The following RAB4B variants were observed in gnomAD, a reference collection of about 807,000 sequenced individuals.
RAB4B encodes ras-related protein Rab-4B.
A neutral mutation model predicts 28.3 loss-of-function variants in RAB4B; 15 were observed. That is an observed-to-expected ratio of 0.53 (90% CI 0.35 to 0.82). The LOEUF (loss-of-function observed/expected upper bound fraction) is 0.82, where lower values mean the gene tolerates loss of function less well. Ranked by LOEUF, RAB4B falls within the 40% of genes least tolerant of loss-of-function variation. The pLI, the probability that RAB4B is intolerant of heterozygous loss-of-function variation, is 0.01. For synonymous variants in RAB4B, 108 were observed against 116.3 expected (o/e 0.93, Z 0.46); for missense variants, 244 against 288.5 (o/e 0.85, Z 1.12).
At chr19:40,786,387 A>G (rs2083099349) in intron 5 of RAB4B, 2 of 415,000 alleles carry the variant, frequency 4.8e-6, no homozygotes, top group Non-Finnish European at 9.1e-6. Context: ...GGGGGCCACA[A>G]GAAGCTGTGG....
At chr19:40,779,781 ATGT>A in intron 1 of RAB4B, 1 of 1,065,976 alleles carries the variant, frequency 9.4e-7, no homozygotes, top group Non-Finnish European at 1.3e-6. Flanking sequence ...ACCCCTGCAC[ATGT>A]ACTCCCTGAA....
chr19:40,795,164 A>G (rs7251781), intron 7 of RAB4B, among the ~76,000 whole-genome samples: 3,909 of 131,296 alleles, frequency 0.03, 75 homozygotes, highest in African/African-American at 0.045. Context: ...GCGAGGCTCC[A>G]TCTCCAAAAA....
chr19:40,786,998 AG>A lies in RAB4B; in HGVS notation c.*15+23del. On this transcript the variant is annotated intron_variant, in intron 7 of 7. Coordinates refer to ENST00000357052, the MANE Select transcript of RAB4B (RefSeq NM_016154.5). ...AGCCAGGTGGGACACTGGGGGCTTTAGGGAGGCAGGGCGGCCTCTTGGGCAT... is the reference window on the plus strand; with the variant it reads ...AGCCAGGTGGGACACTGGGGGCTTTAGGAGGCAGGGCGGCCTCTTGGGCAT... 1.9e-6 allele frequency: 3 copies of A among 1,601,814 alleles called. No homozygotes were observed. The highest frequency in any genetic ancestry group is 2.6e-6 in the Non-Finnish European group (3 of 1,171,174).
At chr19:40,795,769 G>T (rs1313240085) in intron 7 of RAB4B, among the ~76,000 whole-genome samples, 1 of 151,274 alleles carries the variant, frequency 6.6e-6, no homozygotes, top group Non-Finnish European at 1.5e-5. Context: ...GTGCAATAGT[G>T]CAATGTCAGC....
intron 7 of RAB4B, among the ~76,000 whole-genome samples, chr19:40,789,284 C>T (rs555328983): frequency 6.6e-6 from 1 of 152,158 alleles, no homozygotes; most frequent in Admixed American, 6.5e-5. Flanking sequence ...CTCACCGCAA[C>T]CTCTGCCTCC....
At chr19:40,794,553 A>G (rs1209630562) in intron 7 of RAB4B, 1 of 151,796 alleles carries the variant, frequency 6.6e-6, no homozygotes, top group Non-Finnish European at 1.5e-5. Flanking sequence ...TATTCTTATT[A>G]TATATGATGC....
At chr19:40,789,839 TGA>T (rs1352127130) in intron 7 of RAB4B, among the ~76,000 whole-genome samples, 2 of 152,218 alleles carry the variant, frequency 1.3e-5, no homozygotes, top group African/African-American at 4.8e-5. Flanking sequence ...GAAGCCTCGC[TGA>T]GAAGATGACA....
At position 40,778,410 on chromosome 19, in the gene RAB4B, G is replaced by A; in HGVS notation, c.16+19G>A. 3 of 1,456,376 alleles carry A rather than the reference G, an allele frequency of 2.1e-6. No homozygotes were observed. The highest frequency in any genetic ancestry group is 2.9e-5 in the South Asian group (2 of 69,958). The allele number at this position is 1,456,376 out of a possible 1,614,324, so 90.2% of individuals were successfully genotyped here. On this transcript the variant is annotated intron_variant, in intron 1 of 7. Coordinates refer to ENST00000357052, the MANE Select transcript of RAB4B (RefSeq NM_016154.5). ...ACCTACGGTGAGGGTGGTGGACGAAGCTGGGGTCCTGGGTCTGGGCCCAGG... is the reference window on the plus strand; with the variant it reads ...ACCTACGGTGAGGGTGGTGGACGAAACTGGGGTCCTGGGTCTGGGCCCAGG...
chr19:40,787,922 A>T (rs1040329013), intron 7 of RAB4B, among the ~76,000 whole-genome samples: 2 of 135,966 alleles, frequency 1.5e-5, no homozygotes, highest in African/African-American at 5.5e-5. Flanking sequence ...AGATTCAGCC[A>T]CTGCATTCCA....
chr19:40,789,338 G>C (rs1434921605), intron 7 of RAB4B, among the ~76,000 whole-genome samples: 1 of 151,798 alleles, frequency 6.6e-6, no homozygotes, highest in South Asian at 2.1e-4. Context: ...GAGTAGCTGG[G>C]ATTACAGGCA....
At position 40,779,792 on chromosome 19, in the gene RAB4B, G is replaced by T. The variant is rs144780660; in HGVS notation, c.17-227G>T. 1,956 of 1,166,854 alleles carry T rather than the reference G, an allele frequency of 1.7e-3. 29 individuals carry two copies. In the African/African-American group the frequency reaches 0.027, roughly 16 times the overall value. 72.3% of individuals were successfully genotyped at this position (1,166,854 alleles called of 1,614,324 possible). ...AAAAACCCCTGCACATGTACTCCCT[G>T]AATCTAAAATAAAAGTTGAAAAAAA... On this transcript the variant is annotated intron_variant, in intron 1 of 7. Coordinates refer to ENST00000357052, the MANE Select transcript of RAB4B (RefSeq NM_016154.5).
chr19:40,780,180 G>A lies in RAB4B; in HGVS notation c.97+81G>A. 1.9e-6 allele frequency: 3 copies of A among 1,575,636 alleles called. No homozygotes were observed. The South Asian group carries it at 3.5e-5, about 18-fold the overall frequency. ...GGGCTGGTGGGCAGCCGGTGGGGAG[G>A]GCAGGGCTGGCCATAGGTACAAGTC... On this transcript the variant is annotated intron_variant, in intron 2 of 7. Coordinates refer to ENST00000357052, the MANE Select transcript of RAB4B (RefSeq NM_016154.5).
At chr19:40,779,578 T>C in intron 1 of RAB4B, 1 of 173,270 alleles carries the variant, frequency 5.8e-6, no homozygotes, top group Non-Finnish European at 1.2e-5. Flanking sequence ...ACCCCGTCTC[T>C]ACTAAAAATA....
At chr19:40,783,895 C>A in intron 4 of RAB4B, 26 bp from the exon 5 acceptor site, 1 of 1,591,370 alleles carries the variant, frequency 6.3e-7, no homozygotes, top group Non-Finnish European at 8.6e-7. Flanking sequence ...CCTGCACTGC[C>A]TCCCTCCCTT....
At chr19:40,779,692 G>A (rs980290285) in intron 1 of RAB4B, 17 of 299,138 alleles carry the variant, frequency 5.7e-5, no homozygotes, top group Non-Finnish European at 8.0e-5. Context: ...GCGGTGAGCC[G>A]AGATCGCGCC....
chr19:40,794,997 CAA>C lies in RAB4B; in HGVS notation c.*16-1552_*16-1551del, dbSNP rs59417778. 2.7e-3 allele frequency among the ~76,000 whole-genome samples: 274 copies of C among 99,888 alleles called. 2 individuals are homozygous for C. Among genetic ancestry groups the C allele is most frequent in the South Asian group, 0.019 (56 of 2,938 alleles). 65.5% of individuals were successfully genotyped at this position (99,888 alleles called of 152,430 possible). Reference sequence around the variant, plus strand: ...TGAAACCCCGTCTCTACTAAAAATACAAAAAAAAAAAAAAAAAAAAAATTAGC... The same window carrying C: ...TGAAACCCCGTCTCTACTAAAAATACAAAAAAAAAAAAAAAAAAAATTAGC... On this transcript the variant is annotated intron_variant, in intron 7 of 7. Coordinates refer to ENST00000357052, the MANE Select transcript of RAB4B (RefSeq NM_016154.5).
intron 6 of RAB4B, 35 bp from the exon 7 acceptor site, chr19:40,786,813 A>T: frequency 5.6e-6 from 9 of 1,614,096 alleles, no homozygotes; most frequent in Non-Finnish European, 5.9e-6. Flanking sequence ...GGGGGTCTCC[A>T]GGCAACCAAT....
intron 1 of RAB4B, chr19:40,779,312 C>T (rs1379268264): frequency 6.6e-6 from 1 of 152,404 alleles, no homozygotes; most frequent in Non-Finnish European, 1.5e-5. Context: ...CCTGTTACCT[C>T]ATCCGGAAAA....
chr19:40,795,822 C>T (rs1165291299), intron 7 of RAB4B, among the ~76,000 whole-genome samples: 1 of 152,140 alleles, frequency 6.6e-6, no homozygotes, highest in East Asian at 1.9e-4. Context: ...ATTCTCCTGC[C>T]TCAGCCTACT....
Sources: allele counts gnomAD v4.1 joint callset (sites outside exome capture counted in the v4.1 genomes callset), GRCh38; gene constraint gnomAD v4.1.1; transcripts MANE v1.5; gene names NCBI Gene and HGNC (gene_info 2026-07-23, HGNC 2026-07-21).